The following NAV2 variants were observed in gnomAD, a reference collection of about 807,000 sequenced individuals.
NAV2 encodes the protein helicase, APC down-regulated 1.
In NAV2, 54 loss-of-function variants were observed where a neutral mutation model predicts 223.2. That is an observed-to-expected ratio of 0.24 (90% confidence interval 0.19 to 0.30). NAV2 has a LOEUF of 0.30. NAV2 is among the 10% of genes least tolerant of loss of function. The probability of loss-of-function intolerance (pLI) is 1.00; values close to 1 mark genes in which losing one functional copy is unlikely to be tolerated. For missense variants in NAV2, 2,806 were observed against 3,147.5 expected, an observed-to-expected ratio of 0.89 and a Z score of 2.60; for synonymous variants, 1,279 against 1,239.3, an observed-to-expected ratio of 1.03 and a Z score of -0.67.
At chr11:19,841,568 T>C (rs1317812872) in intron 2 of NAV2, among the ~76,000 whole-genome samples, 2 of 152,164 alleles carry the variant, frequency 1.3e-5, no homozygotes, top group Non-Finnish European at 2.9e-5. Context: ...TCACAGCATA[T>C]TTTGGGGAAA....
chr11:20,114,811 C>G lies in NAV2; in HGVS notation c.7164+16C>G. On this transcript the variant is annotated intron_variant, in intron 37 of 37. Transcript: ENST00000349880. ...TGACCCGCTGGTGAGTCCTCAGCCA[C>G]CAGAGCAGCTCAGCATTCCTTTAGC... 6.2e-7 allele frequency: 1 copy of G among 1,608,882 alleles called. No homozygotes were observed. Among genetic ancestry groups the G allele is most frequent in the Middle Eastern group, 1.8e-4 (1 of 5,550 alleles).
intron 1 of NAV2, among the ~76,000 whole-genome samples, chr11:19,529,127 G>T (rs2134407345): frequency 6.6e-6 from 1 of 152,208 alleles, no homozygotes; most frequent in African/African-American, 2.4e-5. Flanking sequence ...AAAAAAATTA[G>T]ATTTTTGTAT....
chr11:19,848,198 A>G (rs192937646), intron 3 of NAV2, among the ~76,000 whole-genome samples: 182 of 152,328 alleles, frequency 1.2e-3, no homozygotes, highest in African/African-American at 4.3e-3. Flanking sequence ...TTAGGCACAG[A>G]GAAGGGCCAG....
chr11:19,714,258 C>T (rs1463311145), intron 1 of NAV2: 1 of 630,156 alleles, frequency 1.6e-6, no homozygotes, highest in Non-Finnish European at 2.9e-6. Context: ...AAAACGTGTG[C>T]ATCGCTGGAA....
chr11:19,520,323 C>A (rs1441238716), intron 1 of NAV2, among the ~76,000 whole-genome samples: 1 of 152,230 alleles, frequency 6.6e-6, no homozygotes, highest in East Asian at 1.9e-4. Context: ...TTTTAAAATG[C>A]TGCTGAAAAC....
chr11:19,775,779 C>T (rs540157991), intron 1 of NAV2, among the ~76,000 whole-genome samples: 100 of 151,994 alleles, frequency 6.6e-4, no homozygotes, highest in Admixed American at 4.7e-3. Context: ...AACAGTGCTC[C>T]GGGGAGTGGG....
intron 36 of NAV2, among the ~76,000 whole-genome samples, chr11:20,110,098 A>C (rs190187535): frequency 6.2e-4 from 94 of 152,348 alleles, no homozygotes; most frequent in Non-Finnish European, 1.1e-3. Flanking sequence ...GGCCCCAGCC[A>C]TCTGGGGCAG....
At chr11:19,977,221 T>C (rs973846658) in intron 10 of NAV2, among the ~76,000 whole-genome samples, 5 of 152,208 alleles carry the variant, frequency 3.3e-5, no homozygotes, top group Non-Finnish European at 7.3e-5. Flanking sequence ...AAATGAAAGA[T>C]TACATTTCTT....
intron 17 of NAV2, 76 bp downstream of exon 17, chr11:20,051,409 G>C: frequency 7.0e-7 from 1 of 1,424,316 alleles, no homozygotes; most frequent in Non-Finnish European, 9.9e-7. Flanking sequence ...CTTCATGGCT[G>C]GTGGGGGTTT....
At position 20,057,552 on chromosome 11, in the gene NAV2, T is replaced by A. The variant is rs141139857; in HGVS notation, c.4831+1595T>A. Among the ~76,000 whole-genome samples, 581 of 152,280 alleles carry A rather than the reference T, an allele frequency of 3.8e-3. 5 individuals are homozygous for A. Among genetic ancestry groups the A allele is most frequent in the African/African-American group, 0.013 (541 of 41,546 alleles). ...AGTGATAGTAGAGAATATATTGTGATCCTAAGGTGAAGGAAGTGGCAGTTT... is the reference window on the plus strand; with the variant it reads ...AGTGATAGTAGAGAATATATTGTGAACCTAAGGTGAAGGAAGTGGCAGTTT... On this transcript the variant is annotated intron_variant, in intron 19 of 37. Transcript: ENST00000349880.
At chr11:19,491,285 C>T (rs536479863) in intron 1 of NAV2, among the ~76,000 whole-genome samples, 1 of 152,208 alleles carries the variant, frequency 6.6e-6, no homozygotes, top group Non-Finnish European at 1.5e-5. Flanking sequence ...TGAGTCTCCT[C>T]TCTAGCTATG....
intron 11 of NAV2, among the ~76,000 whole-genome samples, chr11:19,991,679 T>C (rs1329922742): frequency 1.3e-5 from 2 of 152,312 alleles, no homozygotes; most frequent in Middle Eastern, 3.4e-3. Flanking sequence ...AGAACACGGA[T>C]TGATGAAACA....
chr11:19,899,726 G>A (rs568217778), intron 6 of NAV2, among the ~76,000 whole-genome samples: 6 of 152,244 alleles, frequency 3.9e-5, no homozygotes, highest in South Asian at 4.2e-4. Flanking sequence ...GAGGACTTCC[G>A]AGAAGTGATA....
At chr11:19,464,759 G>A (rs556088203) in intron 1 of NAV2, among the ~76,000 whole-genome samples, 8 of 152,262 alleles carry the variant, frequency 5.3e-5, no homozygotes, top group South Asian at 2.1e-4. Context: ...AGACAAACTC[G>A]TGCAAAAAGG....
At chr11:19,475,881 A>G (rs2042097982) in intron 1 of NAV2, among the ~76,000 whole-genome samples, 1 of 152,252 alleles carries the variant, frequency 6.6e-6, no homozygotes, top group Non-Finnish European at 1.5e-5. Flanking sequence ...AAGAGCCACG[A>G]AGTGGCTGCC....
chr11:20,092,124 G>A, intron 27 of NAV2, 82 bp from the exon 28 acceptor site: 2 of 1,400,922 alleles, frequency 1.4e-6, no homozygotes, highest in South Asian at 2.5e-5. Flanking sequence ...TTTCTGCAGG[G>A]AACTTTCAGA....
intron 13 of NAV2, 107 bp from the exon 14 acceptor site, chr11:20,044,861 C>T (rs2057293635): frequency 1.1e-6 from 1 of 897,194 alleles, no homozygotes; most frequent in Admixed American, 2.8e-5. Flanking sequence ...TCTGCCTCCC[C>T]AAGGGAAAAG....
intron 1 of NAV2, among the ~76,000 whole-genome samples, chr11:19,440,459 G>T (rs1468821321): frequency 6.6e-6 from 1 of 152,180 alleles, no homozygotes; most frequent in East Asian, 1.9e-4. Context: ...GGTCGGTATG[G>T]TTGGAATAGA....
At chr11:19,818,489 A>T (rs1590713352) in intron 1 of NAV2, among the ~76,000 whole-genome samples, 1 of 152,040 alleles carries the variant, frequency 6.6e-6, no homozygotes, top group Non-Finnish European at 1.5e-5. Flanking sequence ...CATAAACAAT[A>T]GTAAAATACA....
Sources: gnomAD v4.1 joint callset for allele counts (sites outside exome capture counted in the v4.1 genomes callset) on GRCh38, gnomAD v4.1.1 for gene constraint, MANE v1.5 for transcripts, NCBI Gene and HGNC (gene_info 2026-07-23, HGNC 2026-07-21) for gene names.